The following SCFD2 variants were observed in gnomAD, a reference collection of about 807,000 sequenced individuals.
SCFD2 encodes sec1 family domain-containing protein 2.
A neutral mutation model predicts 58.9 loss-of-function variants in SCFD2; 54 were observed. That is an observed-to-expected ratio of 0.92 (90% CI 0.74 to 1.15). SCFD2 has a LOEUF of 1.15. Ranked by LOEUF, SCFD2 falls within the 50% of genes most tolerant of loss-of-function variation. The pLI is 0.00. For synonymous variants in SCFD2, 321 were observed against 335.9 expected (o/e 0.96, Z 0.49); for missense variants, 805 against 836.6 (o/e 0.96, Z 0.47).
intron 5 of SCFD2, among the ~76,000 whole-genome samples, chr4:53,108,156 T>C (rs1020532588): frequency 3.3e-5 from 5 of 152,004 alleles, no homozygotes; most frequent in Admixed American, 6.6e-5. Flanking sequence ...CAGAAATAAA[T>C]AAGTTCTTTG....
At chr4:52,916,457 C>A (rs973726760) in intron 6 of SCFD2, among the ~76,000 whole-genome samples, 5 of 152,158 alleles carry the variant, frequency 3.3e-5, no homozygotes, top group African/African-American at 1.2e-4. Context: ...GCCTGTAGTC[C>A]CAGCTATTTG....
chr4:53,242,929 T>G (rs1729945608), intron 4 of SCFD2, among the ~76,000 whole-genome samples: 1 of 152,112 alleles, frequency 6.6e-6, no homozygotes, highest in Admixed American at 6.5e-5. Context: ...CAGACAAGAA[T>G]AAACCAAAAA....
intron 5 of SCFD2, among the ~76,000 whole-genome samples, chr4:53,016,976 T>C (rs1722228496): frequency 6.6e-6 from 1 of 152,100 alleles, no homozygotes; most frequent in Non-Finnish European, 1.5e-5. Context: ...GGCGTGGTGG[T>C]GCACACCTAT....
intron 4 of SCFD2, among the ~76,000 whole-genome samples, chr4:53,238,228 G>T (rs1729739010): frequency 7.5e-6 from 1 of 133,878 alleles, no homozygotes; most frequent in Non-Finnish European, 1.7e-5. Flanking sequence ...CGGGCAGAGG[G>T]GCTCCTCACT....
intron 2 of SCFD2, among the ~76,000 whole-genome samples, chr4:53,324,802 G>A (rs568425689): frequency 1.1e-4 from 17 of 152,272 alleles, no homozygotes; most frequent in African/African-American, 3.4e-4. Context: ...TGACTGATAA[G>A]TTTGCATATG....
chr4:52,974,779 G>C (rs1281694265), intron 5 of SCFD2, among the ~76,000 whole-genome samples: 1 of 151,962 alleles, frequency 6.6e-6, no homozygotes, highest in Non-Finnish European at 1.5e-5. Context: ...ATACTACAAG[G>C]CTACAGTAAC....
chr4:53,187,150 C>T (rs921418896), intron 4 of SCFD2, among the ~76,000 whole-genome samples: 20 of 151,756 alleles, frequency 1.3e-4, no homozygotes, highest in African/African-American at 4.6e-4. Flanking sequence ...AAAGGAAAGC[C>T]GAGCTCAGCA....
intron 5 of SCFD2, among the ~76,000 whole-genome samples, chr4:52,924,768 G>A (rs776203376): frequency 6.6e-5 from 10 of 152,096 alleles, no homozygotes; most frequent in Non-Finnish European, 1.5e-4. Context: ...CAGGATAAAT[G>A]ACGTATGCAA....
chr4:52,899,246 G>A (rs528912643), intron 7 of SCFD2, among the ~76,000 whole-genome samples: 75 of 152,240 alleles, frequency 4.9e-4, no homozygotes, highest in African/African-American at 1.5e-3. Flanking sequence ...TCCTAGCCTC[G>A]ATAGTCTTTA....
At chr4:53,188,906 T>C (rs1181957198) in intron 4 of SCFD2, among the ~76,000 whole-genome samples, 3 of 152,298 alleles carry the variant, frequency 2.0e-5, no homozygotes, top group Non-Finnish European at 2.9e-5. Flanking sequence ...CTCTGAATAA[T>C]AGCACCCAGT....
intron 4 of SCFD2, among the ~76,000 whole-genome samples, chr4:53,216,485 T>G (rs1016786329): frequency 4.6e-5 from 7 of 152,224 alleles, no homozygotes; most frequent in African/African-American, 1.7e-4. Flanking sequence ...GTGGGATTGG[T>G]GGTGATATCC....
chr4:53,317,106 CAA>C (rs71662216), intron 2 of SCFD2, among the ~76,000 whole-genome samples: 27 of 99,272 alleles, frequency 2.7e-4, no homozygotes, highest in Admixed American at 3.3e-4. Context: ...GACTCCATGT[CAA>C]AAAAAAAAAA....
At chr4:52,955,975 A>T (rs1720702465) in intron 5 of SCFD2, 1 of 443,864 alleles carries the variant, frequency 2.3e-6, no homozygotes, top group Admixed American at 2.4e-5. Context: ...CAGTAGGCTG[A>T]GATACCTATT....
intron 4 of SCFD2, among the ~76,000 whole-genome samples, chr4:53,154,736 T>G (rs569716069): frequency 6.6e-6 from 1 of 152,340 alleles, no homozygotes; most frequent in South Asian, 2.1e-4. Flanking sequence ...TGATGAAGGT[T>G]GCAGATCTTC....
At chr4:53,255,318 T>C (rs1730572265) in intron 4 of SCFD2, among the ~76,000 whole-genome samples, 1 of 151,922 alleles carries the variant, frequency 6.6e-6, no homozygotes, top group Non-Finnish European at 1.5e-5. Context: ...GATAAACAAG[T>C]GAACAACGGT....
At chr4:53,088,942 T>C (rs1724390432) in intron 5 of SCFD2, among the ~76,000 whole-genome samples, 2 of 152,132 alleles carry the variant, frequency 1.3e-5, no homozygotes, top group Non-Finnish European at 2.9e-5. Flanking sequence ...GATAAGGCCA[T>C]GAGGGCAGAG....
rs189182920 is a variant in SCFD2 at position 53,069,829 on chromosome 4, A to G, written c.1561+75504T>C. On this transcript the variant is annotated intron_variant, in intron 5 of 8. Transcript: ENST00000401642. ...TGTTAGAGATTGTTTTCTCCCTGAC[A>G]CTTAAATATTTTAAAAACTATATTA... 4.1e-3 allele frequency among the ~76,000 whole-genome samples: 630 copies of G among 152,158 alleles called. 5 individuals carry two copies. The highest frequency in any genetic ancestry group is 7.9e-3 in the Non-Finnish European group (534 of 67,952).
intron 4 of SCFD2, among the ~76,000 whole-genome samples, chr4:53,260,419 C>G (rs189200929): frequency 4.6e-5 from 7 of 151,970 alleles, no homozygotes; most frequent in Non-Finnish European, 8.8e-5. Flanking sequence ...GCTGATTTTG[C>G]TGAGGGTTTA....
At position 53,365,171 on chromosome 4, in the gene SCFD2, C is replaced by T. The variant is rs1432752904; in HGVS notation, c.771G>A (p.Lys257=). The change falls in exon 1 of 9, where the codon AAG becomes AAA. Residue 257 remains lysine (K), a synonymous_variant. Coordinates refer to ENST00000401642, the MANE Select transcript of SCFD2 (RefSeq NM_152540.4). The surrounding 1 kb of genome is among the most constrained non-coding windows in gnomAD (Gnocchi z 4.3). ...AADLANYAPA[K]NRKKTAAGRA... is the part of the protein sequence containing the mutation. ...TGCCTGCAGCAGTCTTCTTCCTGTT[C>T]TTTGCAGGGGCATAATTGGCCAGAT... 1 of 1,614,214 alleles carries T rather than the reference C, an allele frequency of 6.2e-7. No homozygotes were observed. The highest frequency in any genetic ancestry group is 8.5e-7 in the Non-Finnish European group (1 of 1,180,040).
Sources: gnomAD v4.1 joint callset for allele counts (sites outside exome capture counted in the v4.1 genomes callset) on GRCh38, gnomAD v4.1.1 for gene constraint, Gnocchi (gnomAD v3.1) non-coding constraint, MANE v1.5 for transcripts, NCBI Gene and HGNC (gene_info 2026-07-23, HGNC 2026-07-21) for gene names.